CHN1: variants seen among roughly 807,000 people sequenced by gnomAD.
CHN1 encodes the protein N-chimaerin.
A neutral mutation model predicts 59.5 loss-of-function variants in CHN1; 37 were observed. The ratio of observed to expected loss-of-function variants is 0.62; its 90% CI spans 0.48 to 0.82. CHN1 has a LOEUF of 0.82. Among genes scored for constraint, CHN1 ranks in the 40% least tolerant of loss-of-function variants. The pLI is 0.00. For synonymous variants in CHN1, 206 were observed against 200.4 expected (o/e 1.03, Z -0.24); for missense variants, 469 against 571.0 (o/e 0.82, Z 1.82).
At chr2:174,949,519 G>T (rs1381097502) in intron 2 of CHN1, among the ~76,000 whole-genome samples, 1 of 151,972 alleles carries the variant, frequency 6.6e-6, no homozygotes. Flanking sequence ...ACCATGCCCA[G>T]CTAATGTTTT....
intron 6 of CHN1, chr2:174,847,576 C>T: frequency 7.8e-7 from 1 of 1,279,340 alleles, no homozygotes; most frequent in Non-Finnish European, 1.0e-6. Flanking sequence ...TAGCAACAGA[C>T]ACCCTATGAA....
At chr2:174,910,618 C>A (rs1688666974) in intron 5 of CHN1, among the ~76,000 whole-genome samples, 1 of 151,896 alleles carries the variant, frequency 6.6e-6, no homozygotes, top group South Asian at 2.1e-4. Context: ...GCAATCCCCC[C>A]AAAAATAAAA....
At chr2:174,855,306 G>A (rs1686867218) in intron 6 of CHN1, among the ~76,000 whole-genome samples, 1 of 152,120 alleles carries the variant, frequency 6.6e-6, no homozygotes, top group South Asian at 2.1e-4. Flanking sequence ...GCACCACAGA[G>A]GAATGTTCTA....
Position 174,918,581 on chromosome 2 carries a change from A to C in CHN1, c.115-16T>G. The stretch of plus-strand genomic sequence containing the variant: ...TGTTTTCCACCTATTGGGAAAGCAA[A>C]AAAACAGGCATATTTGTAAAAATGC... On this transcript the variant is annotated splice_polypyrimidine_tract_variant and intron_variant, in intron 3 of 12. Coordinates refer to ENST00000409900, the MANE Select transcript of CHN1 (RefSeq NM_001822.7). 6.3e-7 allele frequency: 1 copy of C among 1,585,288 alleles called. No individual in the cohort carries two copies.
chr2:174,873,624 T>A (rs1215465184), intron 6 of CHN1, among the ~76,000 whole-genome samples: 1 of 152,206 alleles, frequency 6.6e-6, no homozygotes, highest in East Asian at 1.9e-4. Flanking sequence ...AAGACTCCTA[T>A]CATTCTGTGG....
chr2:174,959,375 T>G (rs1188793801), intron 1 of CHN1, among the ~76,000 whole-genome samples: 1 of 152,114 alleles, frequency 6.6e-6, no homozygotes, highest in African/African-American at 2.4e-5. Context: ...AATGTTCCTT[T>G]AGTTGACCAG....
intron 11 of CHN1, among the ~76,000 whole-genome samples, chr2:174,807,705 T>G (rs1203251940): frequency 3.9e-5 from 6 of 152,234 alleles, no homozygotes; most frequent in African/African-American, 1.4e-4. Flanking sequence ...GTTCTCTACA[T>G]GGGAGCTTGA....
chr2:174,846,742 G>T, intron 7 of CHN1, 138 bp downstream of exon 7: 1 of 949,762 alleles, frequency 1.1e-6, no homozygotes, highest in Non-Finnish European at 1.5e-6. Context: ...AAATCAGGCT[G>T]AAAACATCTC....
chr2:174,868,578 G>A (rs551102096), intron 6 of CHN1, among the ~76,000 whole-genome samples: 1 of 152,146 alleles, frequency 6.6e-6, no homozygotes, highest in Non-Finnish European at 1.5e-5. Context: ...TGAAGTCAAG[G>A]TTCTGCCTAT....
In CHN1 at chr2:175,004,873, CG is replaced by C; in HGVS notation, c.19+20del. ...GGGACGCGGCCCACCTGCGGCGGCG[CG>C]GGGAGACGGCTGCACTTACCAAACA... is the stretch of plus-strand genomic sequence containing the variant. On this transcript the variant is annotated intron_variant, in intron 1 of 12. Transcript: ENST00000409900. The C allele has an allele frequency of 1.4e-6, 2 of 1,391,472 alleles. No individual in the cohort carries two copies. The highest frequency in any genetic ancestry group is 9.4e-7 in the Non-Finnish European group (1 of 1,062,606). The allele number at this position is 1,391,472 out of a possible 1,614,324, so 86.2% of individuals were successfully genotyped here.
chr2:174,987,004 G>A (rs1170861438), intron 1 of CHN1, among the ~76,000 whole-genome samples: 1 of 152,206 alleles, frequency 6.6e-6, no homozygotes, highest in Non-Finnish European at 1.5e-5. Flanking sequence ...CCAAAGTGCT[G>A]GGATTACAGG....
intron 1 of CHN1, among the ~76,000 whole-genome samples, chr2:174,973,259 T>C (rs1318606780): frequency 1.3e-5 from 2 of 152,222 alleles, no homozygotes; most frequent in Non-Finnish European, 1.5e-5. Context: ...AGAACTATCA[T>C]GACAACATTT....
At chr2:174,876,543 T>C (rs1284333204) in intron 6 of CHN1, among the ~76,000 whole-genome samples, 1 of 152,182 alleles carries the variant, frequency 6.6e-6, no homozygotes, top group Non-Finnish European at 1.5e-5. Flanking sequence ...CCAAACAAGA[T>C]TTGTGGTTCC....
chr2:174,823,745 T>C (rs1037055325), intron 8 of CHN1, among the ~76,000 whole-genome samples: 3 of 152,224 alleles, frequency 2.0e-5, no homozygotes, highest in Admixed American at 1.3e-4. Flanking sequence ...GGATTTCACG[T>C]GATATACATA....
At chr2:174,837,321 C>A (rs1250798068) in intron 7 of CHN1, 1 of 152,064 alleles carries the variant, frequency 6.6e-6, no homozygotes, top group Non-Finnish European at 1.5e-5. Flanking sequence ...AGGTGAAGCT[C>A]CAAACAAAGG....
chr2:174,889,925 A>C (rs2105345774), intron 5 of CHN1, among the ~76,000 whole-genome samples: 1 of 151,930 alleles, frequency 6.6e-6, no homozygotes, highest in East Asian at 1.9e-4. Context: ...ATGTATATAT[A>C]TGAAATACAC....
chr2:174,995,095 A>G (rs1211067997), intron 1 of CHN1, among the ~76,000 whole-genome samples: 1 of 152,214 alleles, frequency 6.6e-6, no homozygotes, highest in Non-Finnish European at 1.5e-5. Context: ...CAGTATTGTT[A>G]TATGTTTATT....
chr2:174,864,707 C>A (rs1281973383), intron 6 of CHN1, among the ~76,000 whole-genome samples: 4 of 151,844 alleles, frequency 2.6e-5, no homozygotes, highest in Non-Finnish European at 5.9e-5. Context: ...CCCATCGCTA[C>A]AAAAAAATTA....
intron 1 of CHN1, among the ~76,000 whole-genome samples, chr2:174,963,548 T>C (rs1413833902): frequency 1.3e-5 from 2 of 152,186 alleles, no homozygotes; most frequent in African/African-American, 4.8e-5. Flanking sequence ...TTTGAGGAAC[T>C]GCAAACAATG....
Sources: allele counts gnomAD v4.1 joint callset (sites outside exome capture counted in the v4.1 genomes callset), GRCh38; gene constraint gnomAD v4.1.1; transcripts MANE v1.5; gene names NCBI Gene and HGNC (gene_info 2026-07-23, HGNC 2026-07-21).